Variants in GSE1 observed in about 807,000 individuals in gnomAD.
GSE1 encodes genetic suppressor element 1.
GSE1 carries 32 observed loss-of-function variants against 112.6 expected under a neutral mutation model. The ratio of observed to expected loss-of-function variants is 0.28; its 90% CI spans 0.21 to 0.38. The LOEUF (loss-of-function observed/expected upper bound fraction) is 0.38, where lower values mean the gene tolerates loss of function less well. Ranked by LOEUF, GSE1 falls within the 10% of genes least tolerant of loss-of-function variation. The pLI, the probability that GSE1 is intolerant of heterozygous loss-of-function variation, is 1.00. For missense variants in GSE1, 2,348 were observed against 1,699.2 expected (o/e 1.38, Z -6.71); for synonymous variants, 1,115 against 735.6 (o/e 1.52, Z -8.35).
At chr16:85,278,300 C>T (rs574176704) in intron 1 of GSE1, among the ~76,000 whole-genome samples, 6 of 152,322 alleles carry the variant, frequency 3.9e-5, no homozygotes, top group African/African-American at 1.2e-4. Context: ...GCCACACTGG[C>T]GGGAGCCCTG....
chr16:85,379,624 G>A (rs374607417), intron 2 of GSE1, among the ~76,000 whole-genome samples: 3 of 152,190 alleles, frequency 2.0e-5, no homozygotes, highest in Admixed American at 6.5e-5. Flanking sequence ...CCTGGGGTAC[G>A]TTTTCCTGTG....
Position 85,647,225 on chromosome 16 carries a change from A to G in GSE1, c.227-1327A>G, listed in dbSNP as rs60080291. On this transcript the variant is annotated intron_variant, in intron 2 of 15. Coordinates refer to ENST00000253458, the MANE Select transcript of GSE1 (RefSeq NM_014615.5). ...ATCCTCTTGGCTGTAGCCACCAGTC[A>G]CCCAGGCCCAAAGCCCTCCTGCCTG... is the stretch of plus-strand genomic sequence containing the variant. 5.1e-3 allele frequency among the ~76,000 whole-genome samples: 780 copies of G among 151,536 alleles called. 8 individuals are homozygous for G. Among genetic ancestry groups the G allele is most frequent in the African/African-American group, 0.018 (745 of 41,290 alleles).
At chr16:85,544,635 G>T (rs368974875) in intron 2 of GSE1, among the ~76,000 whole-genome samples, 1 of 152,232 alleles carries the variant, frequency 6.6e-6, no homozygotes, top group Non-Finnish European at 1.5e-5. Flanking sequence ...ACATCTTGTT[G>T]GCCAGAGGGC....
chr16:85,662,725 G>T, intron 9 of GSE1: 1 of 484,082 alleles, frequency 2.1e-6, no homozygotes, highest in Non-Finnish European at 3.7e-6. Flanking sequence ...GAGGAGGGAG[G>T]TCTTGTCAGC....
At chr16:85,590,022 CAT>C (rs1355771651) in intron 1 of GSE1, among the ~76,000 whole-genome samples, 2 of 151,840 alleles carry the variant, frequency 1.3e-5, no homozygotes, top group Non-Finnish European at 2.9e-5. Context: ...TGTGAATGAA[CAT>C]GAGACGTGAG....
At chr16:85,610,664 A>G (rs967353914), upstream of GSE1, among the ~76,000 whole-genome samples, 3 of 152,204 alleles carry the variant, frequency 2.0e-5, no homozygotes, top group African/African-American at 7.2e-5. Flanking sequence ...CAGGACTCAC[A>G]GAGCGGCTCG....
At chr16:85,326,543 T>A (rs939098873) in intron 1 of GSE1, among the ~76,000 whole-genome samples, 6 of 152,250 alleles carry the variant, frequency 3.9e-5, no homozygotes, top group African/African-American at 1.4e-4. Flanking sequence ...GCATTTCCTC[T>A]GCTTGCACTC....
intron 2 of GSE1, among the ~76,000 whole-genome samples, chr16:85,521,033 G>A (rs1359516245): frequency 6.6e-6 from 1 of 152,142 alleles, no homozygotes; most frequent in East Asian, 1.9e-4. Flanking sequence ...GCCTTTGGGA[G>A]CCCAACGAGC....
chr16:85,325,747 C>T (rs1360248152), intron 1 of GSE1, among the ~76,000 whole-genome samples: 6 of 146,252 alleles, frequency 4.1e-5, no homozygotes, highest in South Asian at 2.2e-4. Flanking sequence ...CCACTGCACC[C>T]GGCCTTCAGT....
intron 2 of GSE1, among the ~76,000 whole-genome samples, chr16:85,482,506 C>G (rs2050712068): frequency 6.7e-6 from 1 of 148,748 alleles, no homozygotes; most frequent in East Asian, 2.1e-4. Context: ...CAGTTCCCCC[C>G]CCAAATAAAA....
intron 3 of GSE1, among the ~76,000 whole-genome samples, chr16:85,650,823 A>G (rs2051273567): frequency 6.7e-6 from 1 of 149,648 alleles, no homozygotes; most frequent in African/African-American, 2.5e-5. Context: ...TGTGGCCATG[A>G]GTCTCCGAGG....
chr16:85,442,667 G>A (rs2049405868), intron 2 of GSE1, among the ~76,000 whole-genome samples: 1 of 152,172 alleles, frequency 6.6e-6, no homozygotes, highest in Admixed American at 6.5e-5. Context: ...GGGCACCCAG[G>A]TGGCATCGTG....
chr16:85,491,419 G>C (rs1376751574), intron 2 of GSE1, among the ~76,000 whole-genome samples: 1 of 152,156 alleles, frequency 6.6e-6, no homozygotes, highest in African/African-American at 2.4e-5. Flanking sequence ...AGGGTATTCT[G>C]GGGGGCTGGG....
At chr16:85,265,947 G>A (rs1311977910) in intron 1 of GSE1, among the ~76,000 whole-genome samples, 1 of 152,172 alleles carries the variant, frequency 6.6e-6, no homozygotes, top group Non-Finnish European at 1.5e-5. Flanking sequence ...GCCTGGTTCT[G>A]CCCGAGAATG....
At chr16:85,249,795 A>G (rs1408485662) in intron 1 of GSE1, among the ~76,000 whole-genome samples, 1 of 152,222 alleles carries the variant, frequency 6.6e-6, no homozygotes, top group African/African-American at 2.4e-5. Flanking sequence ...CAAGTGGCAC[A>G]GGGTCAGGCC....
chr16:85,364,728 T>C (rs568750325), intron 2 of GSE1, among the ~76,000 whole-genome samples: 4 of 152,278 alleles, frequency 2.6e-5, no homozygotes, highest in African/African-American at 9.6e-5. Flanking sequence ...ATGCCGTTCC[T>C]GCCCACTTCC....
At chr16:85,253,562 C>A (rs1906746454) in intron 1 of GSE1, among the ~76,000 whole-genome samples, 1 of 152,192 alleles carries the variant, frequency 6.6e-6, no homozygotes, top group Non-Finnish European at 1.5e-5. Flanking sequence ...GGAGGCCTCA[C>A]CCTCCCAGGG....
chr16:85,193,789 T>C (rs2074873925), intron 1 of GSE1, among the ~76,000 whole-genome samples: 3 of 152,294 alleles, frequency 2.0e-5, no homozygotes, highest in African/African-American at 7.2e-5. Flanking sequence ...TCTGAGATAA[T>C]TGTAGATTGA....
At chr16:85,431,533 A>G (rs986778526) in intron 2 of GSE1, among the ~76,000 whole-genome samples, 1 of 152,250 alleles carries the variant, frequency 6.6e-6, no homozygotes, top group Non-Finnish European at 1.5e-5. Context: ...TGCTGTCCCC[A>G]GATCTGATCC....
Sources: allele counts gnomAD v4.1 joint callset (sites outside exome capture counted in the v4.1 genomes callset), GRCh38; gene constraint gnomAD v4.1.1; transcripts MANE v1.5; gene names NCBI Gene and HGNC (gene_info 2026-07-23, HGNC 2026-07-21).